GRB10: variants seen among roughly 807,000 people sequenced by gnomAD.
The protein encoded by GRB10 is growth factor receptor bound protein 10.
A neutral mutation model predicts 80.9 loss-of-function variants in GRB10; 20 were observed. That is an observed-to-expected ratio of 0.25 (90% CI 0.17 to 0.36). The LOEUF (loss-of-function observed/expected upper bound fraction) is 0.36. Ranked by LOEUF, GRB10 falls within the 10% of genes least tolerant of loss-of-function variation. The pLI is 1.00. For synonymous variants in GRB10, 291 were observed against 291.5 expected, an observed-to-expected ratio of 1.00 and a Z score of 0.02; for missense variants, 548 against 747.7, an observed-to-expected ratio of 0.73 and a Z score of 3.12.
intron 1 of GRB10, among the ~76,000 whole-genome samples, chr7:50,792,014 A>G (rs938533370): frequency 6.6e-6 from 1 of 152,202 alleles, no homozygotes; most frequent in Non-Finnish European, 1.5e-5. Flanking sequence ...ATTGTGTTGT[A>G]AACCCTAGTC....
intron 7 of GRB10, among the ~76,000 whole-genome samples, chr7:50,634,896 C>T (rs1044354204): frequency 2.0e-5 from 3 of 152,206 alleles, no homozygotes; most frequent in African/African-American, 7.2e-5. Flanking sequence ...AAAACAAATA[C>T]AACTACACCT....
At chr7:50,615,011 G>C (rs2050312183) in intron 11 of GRB10, 131 bp from the exon 12 acceptor site, 1 of 707,140 alleles carries the variant, frequency 1.4e-6, no homozygotes, top group African/African-American at 1.7e-5. Flanking sequence ...TATTACATAT[G>C]ATTATTACGC....
At chr7:50,659,399 G>A (rs1013555097) in intron 7 of GRB10, among the ~76,000 whole-genome samples, 1 of 152,134 alleles carries the variant, frequency 6.6e-6, no homozygotes, top group African/African-American at 2.4e-5. Flanking sequence ...CTCAAACCAC[G>A]GAGAGCTGAG....
intron 9 of GRB10, 60 bp from the exon 10 acceptor site, chr7:50,618,199 G>T: frequency 8.1e-7 from 1 of 1,237,830 alleles, no homozygotes; most frequent in Non-Finnish European, 1.2e-6. Context: ...GGGAAGGTAT[G>T]TCATATAGAT....
chr7:50,775,234 GA>G (rs2077502225), intron 2 of GRB10, among the ~76,000 whole-genome samples: 1 of 145,414 alleles, frequency 6.9e-6, no homozygotes, highest in South Asian at 2.2e-4. Context: ...GGAGAAATAG[GA>G]AAGAAAAAAG....
chr7:50,616,123 A>G, intron 11 of GRB10, 87 bp downstream of exon 11: 4 of 1,498,706 alleles, frequency 2.7e-6, no homozygotes, highest in Non-Finnish European at 3.7e-6. Context: ...AGGTGCATTT[A>G]AAAATGAAGC....
chr7:50,743,799 G>A (rs765222753), intron 3 of GRB10, among the ~76,000 whole-genome samples: 32 of 152,264 alleles, frequency 2.1e-4, no homozygotes, highest in Non-Finnish European at 4.0e-4. Context: ...CCCTTTTGCC[G>A]TGCTGTGGTC....
chr7:50,601,138 G>A (rs1459886113), intron 17 of GRB10, among the ~76,000 whole-genome samples: 1 of 152,246 alleles, frequency 6.6e-6, no homozygotes, highest in Non-Finnish European at 1.5e-5. Context: ...AGTACTTGCA[G>A]CACGCTACAT....
At chr7:50,615,330 T>C (rs554645341) in intron 11 of GRB10, among the ~76,000 whole-genome samples, 34 of 152,300 alleles carry the variant, frequency 2.2e-4, no homozygotes, top group Admixed American at 2.2e-3. Flanking sequence ...CCAGCTCTGT[T>C]TCCTGCTCTA....
At chr7:50,652,420 C>T (rs2058099333) in intron 7 of GRB10, among the ~76,000 whole-genome samples, 1 of 152,190 alleles carries the variant, frequency 6.6e-6, no homozygotes, top group Admixed American at 6.5e-5. Context: ...TAGAAGCAAC[C>T]TGTCCTTTAT....
At chr7:50,713,617 A>C in intron 4 of GRB10, among the ~76,000 whole-genome samples, 2 of 93,180 alleles carry the variant, frequency 2.1e-5, no homozygotes, top group African/African-American at 7.5e-5. Flanking sequence ...CATCACCTCC[A>C]CCTCCTCCAC....
At chr7:50,792,274 A>G (rs2078953441) in intron 1 of GRB10, among the ~76,000 whole-genome samples, 1 of 151,766 alleles carries the variant, frequency 6.6e-6, no homozygotes, top group Admixed American at 6.6e-5. Context: ...CTGGGCACCA[A>G]GTTTGCAAGA....
chr7:50,632,915 C>T (rs1263360825), intron 7 of GRB10, among the ~76,000 whole-genome samples: 1 of 152,138 alleles, frequency 6.6e-6, no homozygotes, highest in African/African-American at 2.4e-5. Flanking sequence ...AGCCTGGTCA[C>T]GGGCTTGCCA....
intron 17 of GRB10, among the ~76,000 whole-genome samples, chr7:50,600,263 G>A (rs1585461348): frequency 6.6e-6 from 1 of 152,178 alleles, no homozygotes; most frequent in East Asian, 1.9e-4. Flanking sequence ...TTCTGTGTTA[G>A]GCTTTTCTCT....
At chr7:50,631,949 C>T (rs968088199) in intron 7 of GRB10, among the ~76,000 whole-genome samples, 6 of 152,190 alleles carry the variant, frequency 3.9e-5, no homozygotes, top group African/African-American at 1.4e-4. Context: ...CACTGCAACC[C>T]ACTACCCAGC....
upstream of GRB10, among the ~76,000 whole-genome samples, chr7:50,785,702 C>T (rs147965307): frequency 6.6e-6 from 1 of 152,392 alleles, no homozygotes; most frequent in Non-Finnish European, 1.5e-5. Context: ...CTCCACCAGG[C>T]TGGCACACCC....
chr7:50,713,624 CCACCA>C (rs1563558297), intron 4 of GRB10, among the ~76,000 whole-genome samples: 5 of 127,066 alleles, frequency 3.9e-5, no homozygotes, highest in South Asian at 2.8e-4. Flanking sequence ...TCCACCTCCT[CCACCA>C]TCACCTCCAC....
chr7:50,616,303 C>T lies in GRB10; in HGVS notation c.891G>A (p.Leu297=), dbSNP rs1028578853. 11 of 1,614,114 alleles carry T rather than the reference C, an allele frequency of 6.8e-6. No homozygotes were observed. The highest frequency in any genetic ancestry group is 9.3e-6 in the Non-Finnish European group (11 of 1,179,982). ...SSSCPEIQGF[L]HVKELGKKSW... ...ATTTCTTTCCCAGCTCTTTCACATG[C>T]AAAAACCCTTGAATTTCAGGACAAC... The change falls in exon 11 of 19, where the codon TTG becomes TTA. Residue 297 remains leucine (L), a synonymous_variant. Coordinates refer to ENST00000401949, the MANE Select transcript of GRB10 (RefSeq NM_001350814.2).
chr7:50,619,772 G>A (rs1212106162), intron 8 of GRB10, among the ~76,000 whole-genome samples: 1 of 152,172 alleles, frequency 6.6e-6, no homozygotes, highest in East Asian at 1.9e-4. Context: ...TGTACTGTGG[G>A]AGAGGCCGTG....
Sources: gnomAD v4.1 joint callset for allele counts (sites outside exome capture counted in the v4.1 genomes callset) on GRCh38, gnomAD v4.1.1 for gene constraint, MANE v1.5 for transcripts, NCBI Gene and HGNC (gene_info 2026-07-23, HGNC 2026-07-21) for gene names.